Variants in ITGAL observed in about 807,000 individuals in gnomAD.
The protein encoded by ITGAL is integrin subunit alpha L, also known as integrin alpha-L.
A neutral mutation model predicts 138.4 loss-of-function variants in ITGAL; 68 were observed. The observed-to-expected ratio is 0.49, with a 90% confidence interval of 0.40 to 0.60. The LOEUF (loss-of-function observed/expected upper bound fraction) is 0.60, where lower values mean the gene tolerates loss of function less well. Among genes scored for constraint, ITGAL ranks in the 20% least tolerant of loss-of-function variants. The probability of loss-of-function intolerance (pLI) is 0.00; values close to 1 mark genes in which losing one functional copy is unlikely to be tolerated. For synonymous variants in ITGAL, 561 were observed against 584.3 expected (o/e 0.96, Z 0.57); for missense variants, 1,256 against 1,478.6 (o/e 0.85, Z 2.47).
intron 2 of ITGAL, 75 bp downstream of exon 2, chr16:30,474,373 A>G (rs1264089363): frequency 2.9e-6 from 3 of 1,032,468 alleles, no homozygotes; most frequent in Non-Finnish European, 4.4e-6. Context: ...CGCCTCCCCG[A>G]CCCTCGCCTG....
chr16:30,497,943 C>T (rs2050826913), intron 15 of ITGAL, among the ~76,000 whole-genome samples: 2 of 149,306 alleles, frequency 1.3e-5, no homozygotes, highest in Admixed American at 1.3e-4. Flanking sequence ...TGAGATCCTA[C>T]CACAAAAAAA....
intron 25 of ITGAL, 105 bp from the exon 26 acceptor site, chr16:30,516,868 C>T: frequency 1.2e-6 from 1 of 817,522 alleles, no homozygotes. Context: ...GCCCTGGGGA[C>T]TCAGCCAATG....
chr16:30,521,645 A>C lies in ITGAL; in HGVS notation c.3493A>C (p.Ser1165Arg). ...LKPLHEKDSE[S>R]GGGKD ...GCCCCTCCATGAGAAGGACTCTGAG[A>C]GTGGTGGTGGCAAGGACTGAGTCCA... The change falls in exon 31 of 31, where the codon AGT becomes CGT. Residue 1165 changes from serine (S) to arginine (R), a missense_variant. Physicochemically the swap from Ser to Arg is moderately radical, Grantham distance 110. This residue lies in a region of ITGAL where 867 missense variants were observed against 972.5 expected (regional missense o/e 0.89). Coordinates refer to ENST00000356798, the MANE Select transcript of ITGAL (RefSeq NM_002209.3). The C allele has an allele frequency of 6.2e-7, 1 of 1,613,942 alleles. No homozygotes were observed.
At chr16:30,479,809 A>G (rs1380260169) in intron 6 of ITGAL, among the ~76,000 whole-genome samples, 1 of 151,668 alleles carries the variant, frequency 6.6e-6, no homozygotes, top group African/African-American at 2.4e-5. Flanking sequence ...CTGCCACTAC[A>G]CCCAGCTGAT....
intron 11 of ITGAL, among the ~76,000 whole-genome samples, chr16:30,493,281 A>ATTTTATTTTATTTTAT (rs377567061): frequency 2.0e-4 from 18 of 91,754 alleles, no homozygotes; most frequent in East Asian, 7.6e-4. Flanking sequence ...ATTTTATTTT[A>ATTTTATTTTATTTTAT]TTTATTTATT....
chr16:30,510,457 A>G lies in ITGAL; in HGVS notation c.2605A>G (p.Lys869Glu). 1 of 1,604,294 alleles carries G rather than the reference A, an allele frequency of 6.2e-7. No individual in the cohort carries two copies. The highest frequency in any genetic ancestry group is 2.2e-5 in the East Asian group (1 of 44,820). Residue 869 changes from lysine (K) to glutamate (E), a missense_variant, in exon 22 of 31, where the codon AAA (lysine) becomes GAA (glutamate). Transcript: ENST00000356798. ...TTGCAATGTGAGCTCTCCCATCTTC[A>G]AAGCAGGCCACTCGGTGAGTGCTTC... Reference protein sequence around the residue: ...LSCNVSSPIFKAGHSVALQMM... With the variant: ...LSCNVSSPIFEAGHSVALQMM...
chr16:30,495,244 C>T (rs539012032), intron 13 of ITGAL, among the ~76,000 whole-genome samples: 2 of 152,228 alleles, frequency 1.3e-5, no homozygotes, highest in South Asian at 2.1e-4. Flanking sequence ...AGGCTGGTCT[C>T]GAACTCCTGA....
At chr16:30,502,213 C>T (rs192922860) in intron 17 of ITGAL, among the ~76,000 whole-genome samples, 21 of 151,116 alleles carry the variant, frequency 1.4e-4, no homozygotes, top group East Asian at 1.2e-3. Flanking sequence ...CTGGCTAACA[C>T]GGTGAAACCC....
Position 30,499,171 on chromosome 16 carries a change from A to G in ITGAL, c.1930A>G (p.Met644Val), listed in dbSNP as rs748355671. 16 of 1,613,876 alleles carry G rather than the reference A, an allele frequency of 9.9e-6. No homozygotes were observed. Among genetic ancestry groups the G allele is most frequent in the Middle Eastern group, 1.6e-4 (1 of 6,084 alleles). ...VECSYSTSNK[M>V]KEGVNITICF... is the part of the protein sequence containing the mutation. ...GTGCTCCTATTCAACCAGTAACAAG[A>G]TGAAAGAAGGAGTTAATATCACAAT... Residue 644 changes from methionine to valine, a missense_variant, in exon 16 of 31, where the codon ATG becomes GTG. Transcript: ENST00000356798.
At chr16:30,515,961 T>C (rs970038147) in intron 25 of ITGAL, among the ~76,000 whole-genome samples, 1 of 149,978 alleles carries the variant, frequency 6.7e-6, no homozygotes, top group East Asian at 2.0e-4. Context: ...GACAGAGTGA[T>C]ATTCTGTCTA....
intron 17 of ITGAL, 93 bp downstream of exon 17, chr16:30,499,582 C>A: frequency 8.1e-7 from 1 of 1,236,612 alleles, no homozygotes; most frequent in South Asian, 1.3e-5. Context: ...TCACTTCCAT[C>A]CCTCTGTGCT....
Position 30,510,966 on chromosome 16 carries a change from C to G in ITGAL, c.2699+6C>G. 1.9e-6 allele frequency: 3 copies of G among 1,613,876 alleles called. No homozygotes were observed. The highest frequency in any genetic ancestry group is 2.5e-6 in the Non-Finnish European group (3 of 1,179,848). On this transcript the variant is annotated splice_donor_region_variant and intron_variant, in intron 23 of 30. Transcript: ENST00000356798. ...TTGCACGCCAATGTGACCTGGTGAGCAGGCCCCGCCCACATCCCTGCCATG... is the reference window on the plus strand; with the variant it reads ...TTGCACGCCAATGTGACCTGGTGAGGAGGCCCCGCCCACATCCCTGCCATG...
intron 30 of ITGAL, 145 bp downstream of exon 30, chr16:30,520,112 C>T: frequency 1.6e-6 from 1 of 626,656 alleles, no homozygotes; most frequent in Non-Finnish European, 2.8e-6. Flanking sequence ...CTACTCCCTC[C>T]TTCAACAGAG....
At chr16:30,518,109 T>C (rs549358778) in intron 28 of ITGAL, among the ~76,000 whole-genome samples, 1 of 152,284 alleles carries the variant, frequency 6.6e-6, no homozygotes, top group South Asian at 2.1e-4. Context: ...CTGTGTGTTC[T>C]TTATAGAAAA....
rs4350585 is a variant in ITGAL at position 30,494,192 on chromosome 16, A to T, written c.1214-20A>T. 2 of 1,567,086 alleles carry T rather than the reference A, an allele frequency of 1.3e-6. No homozygotes were observed. Among genetic ancestry groups the T allele is most frequent in the Non-Finnish European group, 8.7e-7 (1 of 1,147,716 alleles). ...CAGCATCCTGTGTTCCTAACTCCAC[A>T]CCCCACACACTTTCCTCAGGTTACA... On this transcript the variant is annotated intron_variant, in intron 11 of 30. Transcript: ENST00000356798. This position sits in a 1 kb window ranked among gnomAD's most constrained non-coding sequence, Gnocchi z 4.2.
intron 11 of ITGAL, among the ~76,000 whole-genome samples, 184 bp downstream of exon 11, chr16:30,489,570 C>T (rs528375657): frequency 2.0e-5 from 3 of 152,236 alleles, no homozygotes; most frequent in African/African-American, 4.8e-5. Context: ...ATCTTGGGGC[C>T]GTGCTAATCC....
chr16:30,500,138 T>G (rs1168327612), intron 17 of ITGAL, among the ~76,000 whole-genome samples: 3 of 151,246 alleles, frequency 2.0e-5, no homozygotes, highest in Non-Finnish European at 4.4e-5. Context: ...CAGGCTGGAG[T>G]GCAGTGGCAT....
chr16:30,488,228 AGGCAGGAGTATCATGATTT>A (rs1274629622), intron 9 of ITGAL, among the ~76,000 whole-genome samples: 11 of 151,796 alleles, frequency 7.2e-5, no homozygotes, highest in African/African-American at 2.4e-4. Flanking sequence ...TGTATTTCAA[AGGCAGGAGTATCATGATTT>A]GGTGATGTGT....
intron 2 of ITGAL, chr16:30,474,633 T>G: frequency 3.6e-6 from 1 of 277,520 alleles, no homozygotes. Context: ...TAACCCTTCT[T>G]AGATACGCCA....
Sources: allele counts gnomAD v4.1 joint callset (sites outside exome capture counted in the v4.1 genomes callset), GRCh38; gene constraint gnomAD v4.1.1; regional missense constraint gnomAD v4.1.1; non-coding constraint Gnocchi (gnomAD v3.1); transcripts MANE v1.5; gene names NCBI Gene and HGNC (gene_info 2026-07-23, HGNC 2026-07-21).